WNT5A: variants seen among roughly 807,000 people sequenced by gnomAD.
WNT5A encodes the protein protein Wnt-5a.
WNT5A carries 9 observed loss-of-function variants against 42.1 expected under a neutral mutation model. The ratio of observed to expected loss-of-function variants is 0.21; its 90% CI spans 0.13 to 0.37. WNT5A has a LOEUF of 0.37. WNT5A is among the 10% of genes least tolerant of loss of function. The probability of loss-of-function intolerance (pLI) is 1.00; values close to 1 mark genes in which losing one functional copy is unlikely to be tolerated. For synonymous variants in WNT5A, 210 were observed against 210.0 expected (o/e 1.00, Z 0.00); for missense variants, 426 against 534.0 (o/e 0.80, Z 1.99).
chr3:55,481,241 CT>C (rs1389572784), intron 1 of WNT5A: 8 of 985,140 alleles, frequency 8.1e-6, no homozygotes, highest in Middle Eastern at 4.8e-4. Context: ...CCCGCACCCC[CT>C]GGCCCCCCTC....
intron 1 of WNT5A, among the ~76,000 whole-genome samples, chr3:55,481,560 A>C (rs932279345): frequency 6.6e-6 from 1 of 152,066 alleles, no homozygotes. Context: ...TTAACATCGT[A>C]TGTTTCATAA....
upstream of WNT5A, chr3:55,487,324 G>A: frequency 2.7e-6 from 1 of 370,322 alleles, no homozygotes; most frequent in Non-Finnish European, 4.8e-6. Context: ...GAGGCGCTCC[G>A]TTTCCAACGT....
intron 3 of WNT5A, among the ~76,000 whole-genome samples, chr3:55,476,695 T>A (rs550597895): frequency 6.6e-6 from 1 of 152,344 alleles, no homozygotes; most frequent in South Asian, 2.1e-4. Flanking sequence ...AGCTAATTGG[T>A]CACTGCAGGG....
upstream of WNT5A, among the ~76,000 whole-genome samples, chr3:55,488,498 G>T (rs534914093): frequency 1.7e-5 from 2 of 119,544 alleles, no homozygotes; most frequent in Non-Finnish European, 3.3e-5. Flanking sequence ...GAGAGGGAAG[G>T]GGGGGGAAGA....
chr3:55,474,433 G>A lies in WNT5A; in HGVS notation c.588C>T (p.Phe196=), dbSNP rs200868061. 7,840 of 1,610,416 alleles carry A rather than the reference G, an allele frequency of 4.9e-3. 31 individuals are homozygous for A. The highest frequency in any genetic ancestry group is 5.7e-3 in the Non-Finnish European group (6,697 of 1,179,190). The change falls in exon 4 of 5, where the codon TTC becomes TTT. Residue 196 remains phenylalanine, a synonymous_variant. Coordinates refer to ENST00000264634, the MANE Select transcript of WNT5A (RefSeq NM_003392.7). ...IDYGYRFAKE[F]VDARERERIH... ...TGCGCTCCCGCTCGCGGGCGTCCAC[G>A]AACTCCTTGGCAAAGCGGTAGCCAT...
chr3:55,489,327 T>C (rs1167337123), upstream of WNT5A: 1 of 128,446 alleles, frequency 7.8e-6, no homozygotes, highest in Non-Finnish European at 1.7e-5. Context: ...ACACACACTA[T>C]TCAATTTTCT....
At position 55,468,640 on chromosome 3, in the gene WNT5A, T is replaced by C. The variant is rs1038839652; in HGVS notation, c.*1452A>G. ...CAATGAGATATATTTATATTTATAT[T>C]TATATATATGTATATATATATATAT... On this transcript the variant is annotated 3_prime_UTR_variant, in exon 5 of 5. Transcript: ENST00000264634. 7 of 149,352 alleles carry C rather than the reference T, an allele frequency of 4.7e-5. No homozygotes were observed. Among genetic ancestry groups the C allele is most frequent in the African/African-American group, 1.7e-4 (7 of 40,922 alleles). 9.3% of individuals were successfully genotyped at this position (149,352 alleles called of 1,614,324 possible). A position where few individuals can be genotyped will look rare whatever the true frequency, so the allele number is the denominator to read the frequency against.
chr3:55,504,014 G>T, the WNT5A span, among the ~76,000 whole-genome samples: 1 of 152,248 alleles, frequency 6.6e-6, no homozygotes, highest in African/African-American at 2.4e-5. Context: ...GCTCACACCT[G>T]TAATTTCAGA....
intron 3 of WNT5A, among the ~76,000 whole-genome samples, chr3:55,477,663 A>G (rs979906031): frequency 2.0e-5 from 3 of 152,168 alleles, no homozygotes; most frequent in African/African-American, 7.2e-5. Flanking sequence ...TGAATCTTGG[A>G]CCGCATTTAA....
rs34280613 is a variant in WNT5A, at chr3:55,467,364, CTTTT to C, written c.*2724_*2727del. 1.4e-4 allele frequency: 19 copies of C among 134,510 alleles called. No individual in the cohort carries two copies. Among genetic ancestry groups the C allele is most frequent in the Non-Finnish European group, 1.9e-4 (12 of 62,038 alleles). 8.3% of individuals were successfully genotyped at this position (134,510 alleles called of 1,614,324 possible). A position where few individuals can be genotyped will look rare whatever the true frequency, so the allele number is the denominator to read the frequency against. Reference sequence around the variant, plus strand: ...CAGCTTTAAGCCATCTGCTTGATTTCTTTTTTTTTTTTTTTTGTAAGGAACATAT... The same window carrying C: ...CAGCTTTAAGCCATCTGCTTGATTTCTTTTTTTTTTTTGTAAGGAACATAT... On this transcript the variant is annotated 3_prime_UTR_variant, in exon 5 of 5. Coordinates refer to ENST00000264634, the MANE Select transcript of WNT5A (RefSeq NM_003392.7).
rs546844099 is a variant in WNT5A at position 55,467,913 on chromosome 3, T to C, written c.*2179A>G. On this transcript the variant is annotated 3_prime_UTR_variant, in exon 5 of 5. Transcript: ENST00000264634. ...CCAAAAAAGTGACATTTTAAACTAA[T>C]TAGTGCTTTTTGCTTTCAAGATCTT... The C allele has an allele frequency of 6.6e-6, 1 of 152,280 alleles. No individual in the cohort carries two copies. Among genetic ancestry groups the C allele is most frequent in the South Asian group, 2.1e-4 (1 of 4,828 alleles). The allele number at this position is 152,280 out of a possible 1,614,324, so 9.4% of individuals were successfully genotyped here.
At chr3:55,499,646 A>G in the WNT5A span, among the ~76,000 whole-genome samples, 5 of 152,248 alleles carry the variant, frequency 3.3e-5, no homozygotes, top group South Asian at 1.0e-3. Flanking sequence ...CACAGGGGAG[A>G]AGAAAAGACC....
In WNT5A at chr3:55,483,347, C is replaced by G. The variant is rs187535334; in HGVS notation, c.7-2429G>C. Among the ~76,000 whole-genome samples the G allele has an allele frequency of 3.6e-3, 554 of 152,288 alleles. No individual in the cohort carries two copies. Among genetic ancestry groups the G allele is most frequent in the Middle Eastern group, 6.8e-3 (2 of 294 alleles). Reference sequence around the variant, plus strand: ...ACCTTGGCCCTCTTCCCTCTTCAATCCCAGTGCAACCGAGAAAAGGCCCCA... The same window carrying G: ...ACCTTGGCCCTCTTCCCTCTTCAATGCCAGTGCAACCGAGAAAAGGCCCCA... On this transcript the variant is annotated intron_variant, in intron 1 of 4. Transcript: ENST00000264634. This position sits in a 1 kb window ranked among gnomAD's most constrained non-coding sequence, Gnocchi z 4.2.
rs186479095 is a variant in WNT5A at position 55,480,075 on chromosome 3, T to G, written c.141-511A>C. 3.6e-3 allele frequency among the ~76,000 whole-genome samples: 542 copies of G among 152,292 alleles called. 10 individuals carry two copies. The highest frequency in any genetic ancestry group is 0.034 in the Admixed American group (518 of 15,300). ...AAATTCACCATGTTTCTTGACATTT[T>G]AAAAGGGCTCCTTATGTGATTGTGA... is the stretch of plus-strand genomic sequence containing the variant. On this transcript the variant is annotated intron_variant, in intron 2 of 4. Coordinates refer to ENST00000264634, the MANE Select transcript of WNT5A (RefSeq NM_003392.7).
the WNT5A span, among the ~76,000 whole-genome samples, chr3:55,498,373 G>T: frequency 6.6e-6 from 1 of 152,154 alleles, no homozygotes; most frequent in Non-Finnish European, 1.5e-5. Flanking sequence ...TAAATGAGCC[G>T]CGGCTCCCGC....
the WNT5A span, among the ~76,000 whole-genome samples, chr3:55,502,565 C>G: frequency 6.6e-6 from 1 of 152,108 alleles, no homozygotes; most frequent in South Asian, 2.1e-4. Flanking sequence ...TTAAGCATTT[C>G]CAAATGGAGT....
At chr3:55,499,973 C>CCA in the WNT5A span, among the ~76,000 whole-genome samples, 3 of 74,162 alleles carry the variant, frequency 4.0e-5, no homozygotes, top group African/African-American at 9.1e-5. Context: ...AGACTCCATC[C>CCA]CCCCTCCAAA....
rs2106945497 is a variant in WNT5A, at chr3:55,479,374, G to A, written c.331C>T (p.Arg111Ter). ...TCCACAGTGCTGCAGTTCCACCTTC[G>A]ATGTCGGAATTGATACTGGCATTCT... is the stretch of plus-strand genomic sequence containing the variant. ...IKECQYQFRH[R>*]RWNCSTVDNT... Residue 111 changes from arginine (R) to a stop codon, truncating the protein, a stop_gained, in exon 3 of 5, where the codon CGA (arginine) becomes TGA (stop). Coordinates refer to ENST00000264634, the MANE Select transcript of WNT5A (RefSeq NM_003392.7). LOFTEE classifies it high-confidence loss of function. 1 of 1,613,656 alleles carries A rather than the reference G, an allele frequency of 6.2e-7. No homozygotes were observed. The highest frequency in any genetic ancestry group is 8.5e-7 in the Non-Finnish European group (1 of 1,179,648).
intron 1 of WNT5A, among the ~76,000 whole-genome samples, chr3:55,484,304 C>G (rs892559769): frequency 6.6e-6 from 1 of 152,108 alleles, no homozygotes; most frequent in Non-Finnish European, 1.5e-5. Context: ...ACGTCCTGCC[C>G]TGGAGAATGC....
Sources: gnomAD v4.1 joint callset for allele counts (sites outside exome capture counted in the v4.1 genomes callset) on GRCh38, gnomAD v4.1.1 for gene constraint, Gnocchi (gnomAD v3.1) non-coding constraint, MANE v1.5 for transcripts, NCBI Gene and HGNC (gene_info 2026-07-23, HGNC 2026-07-21) for gene names.